TNS1: variants seen among roughly 807,000 people sequenced by gnomAD.
The protein encoded by TNS1 is tensin-1.
TNS1 carries 62 observed loss-of-function variants against 168.6 expected under a neutral mutation model. The observed-to-expected ratio is 0.37, with a 90% CI of 0.30 to 0.45. TNS1 has a LOEUF of 0.45. Ranked by LOEUF, TNS1 falls within the 20% of genes least tolerant of loss-of-function variation. TNS1 has a pLI of 1.00. For synonymous variants in TNS1, 934 were observed against 933.2 expected (o/e 1.00, Z -0.02); for missense variants, 2,240 against 2,339.4 (o/e 0.96, Z 0.88).
At chr2:217,985,925 T>C (rs1958182724) in intron 2 of TNS1, among the ~76,000 whole-genome samples, 1 of 152,196 alleles carries the variant, frequency 6.6e-6, no homozygotes, top group Admixed American at 6.5e-5. Context: ...CCCAGAGCCC[T>C]GACCCCTTAA....
intron 3 of TNS1, among the ~76,000 whole-genome samples, chr2:217,941,013 T>G (rs574259463): frequency 6.6e-6 from 1 of 152,260 alleles, no homozygotes; most frequent in East Asian, 1.9e-4. Context: ...CTGCCTTGCC[T>G]TGCACCCCTC....
rs1301587086 is a variant in TNS1, at chr2:218,033,978, G to C, written c.-3C>G. On this transcript the variant is annotated 5_prime_UTR_variant, in exon 1 of 2. Transcript: ENST00000649572. The surrounding 1 kb of genome is among the most constrained non-coding windows in gnomAD (Gnocchi z 4.3). ...ACCAGGCTCACAGTGCAGCCCATCC[G>C]GCCTGGCGCCCCGGCGGGCAGGGGC... Among the ~76,000 whole-genome samples the C allele has an allele frequency of 1.3e-5, 2 of 152,206 alleles. No homozygotes were observed. Among genetic ancestry groups the C allele is most frequent in the Non-Finnish European group, 2.9e-5 (2 of 68,030 alleles).
In TNS1 at chr2:217,817,698, G is replaced by A; in HGVS notation, c.4634C>T (p.Ser1545Phe). ...SHTLPDFSKY[S>F]MPDNSPETRA... ...AAGGGGGAGAGGCCCACCTGGCATG[G>A]AGTACTTGGAGAAGTCGGGCAGAGT... Residue 1545 changes from serine to phenylalanine, a missense_variant, in exon 24 of 33, where the codon TCC becomes TTC. This residue lies in a region of TNS1 where 2,131 missense variants were observed against 2,171.2 expected (regional missense o/e 0.98). Coordinates refer to ENST00000682258, the MANE Select transcript of TNS1 (RefSeq NM_001387777.1). The A allele has an allele frequency of 6.3e-7, 1 of 1,592,534 alleles. No homozygotes were observed. The highest frequency in any genetic ancestry group is 8.6e-7 in the Non-Finnish European group (1 of 1,164,946).
chr2:217,965,438 G>A (rs913479244), intron 3 of TNS1, among the ~76,000 whole-genome samples: 1 of 152,180 alleles, frequency 6.6e-6, no homozygotes, highest in Non-Finnish European at 1.5e-5. Context: ...AGCCTCCTAA[G>A]CCGGAGGCCA....
intron 1 of TNS1, among the ~76,000 whole-genome samples, chr2:218,026,868 C>T (rs1007758045): frequency 2.6e-5 from 4 of 152,208 alleles, no homozygotes; most frequent in Admixed American, 6.5e-5. Context: ...ATGGGAATGA[C>T]GTCTGGGTTG....
intron 3 of TNS1, among the ~76,000 whole-genome samples, chr2:217,964,764 A>G (rs943537320): frequency 6.6e-6 from 1 of 152,062 alleles, no homozygotes; most frequent in East Asian, 1.9e-4. Flanking sequence ...GAACCCAGAC[A>G]CCCCTGGACA....
At position 217,800,054 on chromosome 2, in the gene TNS1, G is replaced by A. The variant is rs1404069669; in HGVS notation, c.*4405C>T. On this transcript the variant is annotated 3_prime_UTR_variant, in exon 33 of 33. Transcript: ENST00000682258. ...TCCCCCGCAGAGGGCCTGGGAGGCA[G>A]GGAGGGTGGTGGGAAGGGATTTCTT... 6.6e-6 allele frequency: 1 copy of A among 152,258 alleles called. No homozygotes were observed. Among genetic ancestry groups the A allele is most frequent in the Non-Finnish European group, 1.5e-5 (1 of 68,046 alleles). 9.4% of individuals were successfully genotyped at this position (152,258 alleles called of 1,614,324 possible).
intron 17 of TNS1, 149 bp downstream of exon 17, chr2:217,882,197 G>T: frequency 1.6e-6 from 1 of 606,096 alleles, no homozygotes; most frequent in Non-Finnish European, 2.9e-6. Context: ...TTAGCTAGGG[G>T]TCCACTCTGA....
intron 21 of TNS1, 120 bp from the exon 22 acceptor site, chr2:217,831,667 C>G: frequency 1.5e-6 from 1 of 670,846 alleles, no homozygotes; most frequent in Non-Finnish European, 2.3e-6. Flanking sequence ...GCCGAGGAAC[C>G]ACCCTGAGGC....
At chr2:217,933,444 C>T (rs1367291534) in intron 3 of TNS1, among the ~76,000 whole-genome samples, 3 of 152,130 alleles carry the variant, frequency 2.0e-5, no homozygotes, top group Non-Finnish European at 2.9e-5. Flanking sequence ...ACAAAGTCAC[C>T]CCCTGGTGCT....
chr2:217,847,337 C>T (rs796616230), intron 19 of TNS1, among the ~76,000 whole-genome samples, 173 bp downstream of exon 19: 24 of 152,274 alleles, frequency 1.6e-4, no homozygotes, highest in African/African-American at 5.3e-4. Flanking sequence ...TGGCTTGGTG[C>T]CTATCAGACA....
Position 217,874,731 on chromosome 2 carries a change from C to T in TNS1, c.1429+6167G>A, listed in dbSNP as rs184114404. On this transcript the variant is annotated intron_variant, in intron 18 of 32. Transcript: ENST00000682258. ...AATAACAGACACAAATCACTGCCAG[C>T]ATGGCATGCGCCACTCTGCTTTTCA... is the stretch of plus-strand genomic sequence containing the variant. Among the ~76,000 whole-genome samples, 8 of 152,352 alleles carry T rather than the reference C, an allele frequency of 5.3e-5. No individual in the cohort carries two copies. In the East Asian group the frequency reaches 1.5e-3, roughly 29 times the overall value.
chr2:218,029,081 G>A (rs1042507631), intron 1 of TNS1, among the ~76,000 whole-genome samples: 5 of 152,166 alleles, frequency 3.3e-5, no homozygotes, highest in Admixed American at 2.6e-4. Flanking sequence ...TCAGCCTCAC[G>A]CCCTCCTGCC....
At chr2:217,937,043 C>A in intron 3 of TNS1, 1 of 456,578 alleles carries the variant, frequency 2.2e-6, no homozygotes, top group Admixed American at 2.3e-5. Context: ...CTTTTCCTCC[C>A]CGCAAAACTC....
rs971564677 is a variant in TNS1, at chr2:218,001,261, C to T, written c.33+1579G>A. Among the ~76,000 whole-genome samples, 10 of 152,086 alleles carry T rather than the reference C, an allele frequency of 6.6e-5. 1 individual carries two copies. The highest frequency in any genetic ancestry group is 4.1e-4 in the South Asian group (2 of 4,824). The stretch of plus-strand genomic sequence containing the variant: ...CTTACTCTCAGGGAGGGTATAACAC[C>T]CATAGGGCACTCTACCTGCCAGGCA... On this transcript the variant is annotated intron_variant, in intron 1 of 32. Coordinates refer to ENST00000682258, the MANE Select transcript of TNS1 (RefSeq NM_001387777.1).
chr2:217,958,003 T>TCACA (rs57381974), intron 3 of TNS1, among the ~76,000 whole-genome samples: 16,007 of 145,676 alleles, frequency 0.11, 944 homozygotes, highest in East Asian at 0.27. Flanking sequence ...AATAAAGAAT[T>TCACA]CACACACACA....
chr2:217,954,259 C>A (rs1201924240), intron 3 of TNS1, among the ~76,000 whole-genome samples: 1 of 152,192 alleles, frequency 6.6e-6, no homozygotes. Flanking sequence ...CATGCCCTCT[C>A]TGGGTCTCCA....
At chr2:218,011,029 C>T (rs758994530), upstream of TNS1, among the ~76,000 whole-genome samples, 17 of 152,116 alleles carry the variant, frequency 1.1e-4, no homozygotes, top group Non-Finnish European at 1.9e-4. Flanking sequence ...TCCAAAGAGC[C>T]CCCACAGGTT....
chr2:217,950,668 G>T (rs895203707), intron 3 of TNS1, among the ~76,000 whole-genome samples: 1 of 150,262 alleles, frequency 6.7e-6, no homozygotes, highest in African/African-American at 2.5e-5. Flanking sequence ...TCCTAGCCAG[G>T]CATCCTCGCC....
Sources: allele counts gnomAD v4.1 joint callset (sites outside exome capture counted in the v4.1 genomes callset), GRCh38; gene constraint gnomAD v4.1.1; regional missense constraint gnomAD v4.1.1; non-coding constraint Gnocchi (gnomAD v3.1); transcripts MANE v1.5; gene names NCBI Gene and HGNC (gene_info 2026-07-23, HGNC 2026-07-21).